Variants in PLD5 observed in about 807,000 individuals in gnomAD.
The protein encoded by PLD5 is phospholipase D family member 5.
PLD5 carries 36 observed loss-of-function variants against 61.1 expected under a neutral mutation model. That is an observed-to-expected ratio of 0.59 (90% CI 0.45 to 0.78). The LOEUF is 0.78. Ranked by LOEUF, PLD5 falls within the 30% of genes least tolerant of loss-of-function variation. The pLI is 0.00. For synonymous variants in PLD5, 243 were observed against 242.8 expected (o/e 1.00, Z -0.01); for missense variants, 515 against 644.4 (o/e 0.80, Z 2.17).
intron 1 of PLD5, among the ~76,000 whole-genome samples, chr1:242,416,499 T>C (rs1664841357): frequency 6.6e-6 from 1 of 152,150 alleles, no homozygotes; most frequent in Admixed American, 6.5e-5. Flanking sequence ...ATCTCTTAGT[T>C]TTATGAATCT....
chr1:242,249,717 A>C (rs1205326918), intron 4 of PLD5, among the ~76,000 whole-genome samples: 2 of 152,202 alleles, frequency 1.3e-5, no homozygotes, highest in East Asian at 3.9e-4. Context: ...AATGACCAGA[A>C]AAAATAATGT....
At chr1:242,154,652 A>T (rs1407809747) in intron 5 of PLD5, among the ~76,000 whole-genome samples, 4 of 151,940 alleles carry the variant, frequency 2.6e-5, no homozygotes, top group Admixed American at 6.6e-5. Flanking sequence ...ACATTTATTG[A>T]TTTGTGTATG....
Position 242,524,072 on chromosome 1 carries a change from A to G in PLD5, c.189+16T>C. ...CAGGTGCCTGGCCGAGGCCCCCGGG[A>G]GCGAGTCGCCCTTACGTGCTCCAGC... On this transcript the variant is annotated intron_variant, in intron 1 of 9. Coordinates refer to ENST00000536534, the MANE Select transcript of PLD5 (RefSeq NM_001372062.1). The G allele has an allele frequency of 1.3e-6, 2 of 1,529,848 alleles. No homozygotes were observed. The highest frequency in any genetic ancestry group is 5.0e-5 in the East Asian group (2 of 40,040). The allele number at this position is 1,529,848 out of a possible 1,614,324, so 94.8% of individuals were successfully genotyped here.
intron 1 of PLD5, among the ~76,000 whole-genome samples, chr1:242,472,384 A>C (rs1244744683): frequency 6.6e-6 from 1 of 152,238 alleles, no homozygotes; most frequent in African/African-American, 2.4e-5. Flanking sequence ...AGGTGCGCCG[A>C]TAGAGCAGAA....
chr1:242,182,448 T>C (rs1047278475), intron 5 of PLD5, among the ~76,000 whole-genome samples: 4 of 152,248 alleles, frequency 2.6e-5, no homozygotes, highest in Non-Finnish European at 5.9e-5. Flanking sequence ...CCAGGGCTTA[T>C]TCCCTACCTT....
At chr1:242,209,946 C>T (rs10803022) in intron 5 of PLD5, among the ~76,000 whole-genome samples, 76,425 of 151,926 alleles carry the variant, frequency 0.5, 20,499 homozygotes, top group East Asian at 0.76. Context: ...AGGCACCCAA[C>T]ACTACATCCA....
intron 1 of PLD5, among the ~76,000 whole-genome samples, chr1:242,367,604 G>C (rs906965558): frequency 1.3e-5 from 2 of 152,158 alleles, no homozygotes; most frequent in Non-Finnish European, 2.9e-5. Flanking sequence ...GAAACCTGGA[G>C]ACGAACCCCT....
chr1:242,320,415 A>G (rs10926681), intron 2 of PLD5, among the ~76,000 whole-genome samples: 1 of 152,222 alleles, frequency 6.6e-6, no homozygotes, highest in Non-Finnish European at 1.5e-5. Flanking sequence ...CGGCAGAGCT[A>G]GCTACATCTT....
At chr1:242,225,228 T>C (rs1670856085) in intron 4 of PLD5, among the ~76,000 whole-genome samples, 1 of 151,882 alleles carries the variant, frequency 6.6e-6, no homozygotes, top group South Asian at 2.1e-4. Context: ...TGCTATTGTG[T>C]AGAACAGTGG....
At chr1:242,479,770 A>G (rs2102960311) in intron 1 of PLD5, among the ~76,000 whole-genome samples, 1 of 152,212 alleles carries the variant, frequency 6.6e-6, no homozygotes, top group Admixed American at 6.5e-5. Context: ...TGGGCCAGGC[A>G]CAGTGGTTTA....
intron 1 of PLD5, among the ~76,000 whole-genome samples, chr1:242,361,160 C>A (rs1045806421): frequency 6.6e-6 from 1 of 152,038 alleles, no homozygotes; most frequent in African/African-American, 2.4e-5. Context: ...TTTATTTTAA[C>A]TTCTATTAGT....
chr1:242,390,252 G>T (rs1662851477), intron 1 of PLD5, among the ~76,000 whole-genome samples: 2 of 152,026 alleles, frequency 1.3e-5, no homozygotes, highest in Non-Finnish European at 2.9e-5. Context: ...CAGAGACAGG[G>T]TTTCACCTTG....
At chr1:242,456,688 C>A (rs907067937) in intron 1 of PLD5, among the ~76,000 whole-genome samples, 17 of 152,254 alleles carry the variant, frequency 1.1e-4, no homozygotes, top group African/African-American at 4.1e-4. Flanking sequence ...TTGGCTTCTG[C>A]TGTGTTGTGA....
intron 4 of PLD5, among the ~76,000 whole-genome samples, chr1:242,232,580 AG>A (rs1671378010): frequency 6.6e-6 from 1 of 152,276 alleles, no homozygotes; most frequent in African/African-American, 2.4e-5. Context: ...GTACTTTAAA[AG>A]GCTTATTCAT....
intron 2 of PLD5, among the ~76,000 whole-genome samples, chr1:242,326,394 G>A (rs1487742950): frequency 6.6e-6 from 1 of 152,170 alleles, no homozygotes; most frequent in Admixed American, 6.5e-5. Context: ...AAAACACGGG[G>A]TCATGCTACA....
intron 1 of PLD5, among the ~76,000 whole-genome samples, chr1:242,439,594 G>C (rs1354282552): frequency 6.6e-6 from 1 of 152,182 alleles, no homozygotes; most frequent in Non-Finnish European, 1.5e-5. Flanking sequence ...AAGCCAGAGA[G>C]GAAGAAAGAA....
Position 242,524,091 on chromosome 1 carries a change from C to T in PLD5, c.186G>A (p.Glu62=). Residue 62 remains glutamate, a synonymous_variant, in exon 1 of 10, where the codon GAG becomes GAA. Coordinates refer to ENST00000536534, the MANE Select transcript of PLD5 (RefSeq NM_001372062.1). ...CCCGGGAGCGAGTCGCCCTTACGTG[C>T]TCCAGCTTGTCTTTCCTCCGAAGCC... is the stretch of plus-strand genomic sequence containing the variant. ...SVWLRRKDKL[E]HSQQKCIVIF... is the part of the protein sequence containing the mutation. 6.5e-7 allele frequency: 1 copy of T among 1,534,678 alleles called. No homozygotes were observed. The highest frequency in any genetic ancestry group is 8.7e-7 in the Non-Finnish European group (1 of 1,146,114).
chr1:242,232,105 AC>A (rs1671346641), intron 4 of PLD5, among the ~76,000 whole-genome samples: 1 of 152,122 alleles, frequency 6.6e-6, no homozygotes, highest in Non-Finnish European at 1.5e-5. Flanking sequence ...GGACTGAAAG[AC>A]CTACGTTTTA....
chr1:242,513,398 T>C (rs1668999499), intron 1 of PLD5, among the ~76,000 whole-genome samples: 2 of 147,734 alleles, frequency 1.4e-5, no homozygotes, highest in South Asian at 4.2e-4. Context: ...ACACCATTGC[T>C]GCCCTCAAAA....
Sources: gnomAD v4.1 joint callset for allele counts (sites outside exome capture counted in the v4.1 genomes callset) on GRCh38, gnomAD v4.1.1 for gene constraint, MANE v1.5 for transcripts, NCBI Gene and HGNC (gene_info 2026-07-23, HGNC 2026-07-21) for gene names.